IL7: variants seen among roughly 807,000 people sequenced by gnomAD.
The protein encoded by IL7 is interleukin 7, also known as interleukin-7.
Under a neutral mutation model 21.6 loss-of-function variants are expected in IL7, and 3 were observed. That is an observed-to-expected ratio of 0.14 (90% confidence interval 0.06 to 0.36). The LOEUF is 0.36. IL7 is among the 10% of genes least tolerant of loss of function. The probability of loss-of-function intolerance (pLI) is 1.00; values close to 1 mark genes in which losing one functional copy is unlikely to be tolerated. For missense variants in IL7, 175 were observed against 200.2 expected (o/e 0.87, Z 0.76); for synonymous variants, 62 against 68.1 (o/e 0.91, Z 0.44).
At chr8:78,721,588 G>A (rs948041249) in intron 3 of IL7, 8 of 151,960 alleles carry the variant, frequency 5.3e-5, no homozygotes, top group South Asian at 2.1e-4. Flanking sequence ...GATAGGAGAC[G>A]GCCAGTAGTG....
intron 2 of IL7, among the ~76,000 whole-genome samples, chr8:78,794,066 A>G (rs1188070893): frequency 3.3e-5 from 5 of 152,088 alleles, no homozygotes; most frequent in Non-Finnish European, 7.4e-5. Context: ...TACTTTCTCT[A>G]TTGAAGTCTT....
At chr8:78,741,621 T>G (rs1811783364) in intron 2 of IL7, among the ~76,000 whole-genome samples, 1 of 152,234 alleles carries the variant, frequency 6.6e-6, no homozygotes, top group Non-Finnish European at 1.5e-5. Flanking sequence ...GTGGCTGTTC[T>G]AGGTTATTAA....
intron 4 of IL7, among the ~76,000 whole-genome samples, chr8:78,682,134 CAAT>C (rs1339714174): frequency 6.6e-6 from 1 of 152,016 alleles, no homozygotes; most frequent in Non-Finnish European, 1.5e-5. Context: ...TTGGGTATCT[CAAT>C]AATATTACAA....
intron 1 of IL7, among the ~76,000 whole-genome samples, chr8:78,804,044 C>T (rs1171445939): frequency 6.6e-6 from 1 of 152,068 alleles, no homozygotes; most frequent in African/African-American, 2.4e-5. Flanking sequence ...CAGATCTTTT[C>T]CCCTCACAAT....
At chr8:78,767,348 G>C (rs1222689908) in intron 2 of IL7, among the ~76,000 whole-genome samples, 1 of 151,850 alleles carries the variant, frequency 6.6e-6, no homozygotes, top group Non-Finnish European at 1.5e-5. Context: ...TTGTCAGATA[G>C]TCATTCTATT....
At chr8:78,718,988 A>G (rs981608851) in intron 6 of IL7, 1 of 151,764 alleles carries the variant, frequency 6.6e-6, no homozygotes, top group Non-Finnish European at 1.5e-5. Flanking sequence ...CAAACTTAAT[A>G]GGAATTGTCA....
At chr8:78,747,184 A>G in intron 2 of IL7, 1 of 262,462 alleles carries the variant, frequency 3.8e-6, no homozygotes, top group South Asian at 3.0e-5. Flanking sequence ...AATATACTTC[A>G]TTGCTTTTTT....
Position 78,732,944 on chromosome 8 carries a change from T to A in IL7, c.*769A>T, listed in dbSNP as rs1811458050. ...TATCTTAAAAATATATCTCCCAAAT[T>A]GCAAACTTATTTAGACAAGTTATAA... On this transcript the variant is annotated 3_prime_UTR_variant, in exon 6 of 6. Coordinates refer to ENST00000263851, the MANE Select transcript of IL7 (RefSeq NM_000880.4). 6.9e-6 allele frequency: 1 copy of A among 144,872 alleles called. No individual in the cohort carries two copies. The highest frequency in any genetic ancestry group is 2.6e-5 in the African/African-American group (1 of 38,096). 9.0% of individuals were successfully genotyped at this position (144,872 alleles called of 1,614,324 possible).
chr8:78,686,588 C>G, intron 3 of IL7: 1 of 1,526,358 alleles, frequency 6.6e-7, no homozygotes, highest in Non-Finnish European at 8.8e-7. Context: ...CCTCCTCCTC[C>G]TCCACCTTCT....
chr8:78,744,138 C>T (rs145257911), intron 2 of IL7, among the ~76,000 whole-genome samples: 1,625 of 152,190 alleles, frequency 0.011, 13 homozygotes, highest in South Asian at 0.031. Flanking sequence ...GGTAACGCTT[C>T]ACCGCCTGTT....
chr8:78,713,051 T>G (rs1238416975), downstream of IL7, among the ~76,000 whole-genome samples: 1 of 152,158 alleles, frequency 6.6e-6, no homozygotes, highest in Non-Finnish European at 1.5e-5. Context: ...GATTCTACTG[T>G]CAGAACTCTC....
Position 78,760,451 on chromosome 8 carries a change from G to A in IL7, c.148-20369C>T, listed in dbSNP as rs886849778. 42 of 1,569,380 alleles carry A rather than the reference G, an allele frequency of 2.7e-5. No individual in the cohort carries two copies. The African/African-American group carries it at 2.9e-4, about 11-fold the overall frequency. Reference sequence around the variant, plus strand: ...TTGGAGGGCTTCATAGATGGTGGACGGAAGCTCTATATCTTTCCCCCTGTG... The same window carrying A: ...TTGGAGGGCTTCATAGATGGTGGACAGAAGCTCTATATCTTTCCCCCTGTG... On this transcript the variant is annotated intron_variant, in intron 2 of 5. Transcript: ENST00000263851.
chr8:78,758,764 G>A (rs1265940678), intron 2 of IL7, among the ~76,000 whole-genome samples: 2 of 151,886 alleles, frequency 1.3e-5, no homozygotes, highest in Admixed American at 1.3e-4. Context: ...TTTTTCTCTT[G>A]CTATTTTTAA....
intron 3 of IL7, chr8:78,689,167 A>G: frequency 7.8e-7 from 1 of 1,289,690 alleles, no homozygotes; most frequent in Non-Finnish European, 1.0e-6. Context: ...AAGATTTTTT[A>G]ATGTCCGTTT....
intron 1 of IL7, among the ~76,000 whole-genome samples, chr8:78,801,914 T>C (rs1814074906): frequency 6.6e-6 from 1 of 152,138 alleles, no homozygotes; most frequent in Non-Finnish European, 1.5e-5. Context: ...GAGAGTAACA[T>C]ATTAAGAATG....
At chr8:78,716,420 GC>G (rs1811106094), downstream of IL7, among the ~76,000 whole-genome samples, 1 of 152,024 alleles carries the variant, frequency 6.6e-6, no homozygotes, top group Admixed American at 6.6e-5. Context: ...ACCGCACCCG[GC>G]CTAGTATGTT....
intron 1 of IL7, among the ~76,000 whole-genome samples, chr8:78,799,860 C>T (rs1813992627): frequency 6.6e-6 from 1 of 152,000 alleles, no homozygotes; most frequent in African/African-American, 2.4e-5. Context: ...GTTCCTTCAA[C>T]CTAAAGATCC....
At chr8:78,761,936 T>C in intron 2 of IL7, 1 of 1,611,220 alleles carries the variant, frequency 6.2e-7, no homozygotes, top group Non-Finnish European at 8.5e-7. Flanking sequence ...TTTGAGGTAT[T>C]CTTTGTTTTC....
chr8:78,760,281 C>T, intron 2 of IL7: 29 of 1,606,996 alleles, frequency 1.8e-5, no homozygotes, highest in Non-Finnish European at 2.5e-5. Context: ...GTTACTTGAC[C>T]TTTGGTCTGT....
Sources: gnomAD v4.1 joint callset for allele counts (sites outside exome capture counted in the v4.1 genomes callset) on GRCh38, gnomAD v4.1.1 for gene constraint, MANE v1.5 for transcripts, NCBI Gene and HGNC (gene_info 2026-07-23, HGNC 2026-07-21) for gene names.